The following CCDC171 variants were observed in gnomAD, a reference collection of about 807,000 sequenced individuals.
The protein encoded by CCDC171 is coiled-coil domain-containing protein 171.
In CCDC171, 177 loss-of-function variants were observed where a neutral mutation model predicts 168.2. The observed-to-expected ratio is 1.05, with a 90% CI of 0.93 to 1.19. The LOEUF is 1.19. Among genes scored for constraint, CCDC171 ranks in the 50% most tolerant of loss-of-function variants. CCDC171 has a pLI of 0.00. For synonymous variants in CCDC171, 687 were observed against 540.8 expected (o/e 1.27, Z -3.75); for missense variants, 1,991 against 1,539.0 (o/e 1.29, Z -4.91).
intron 25 of CCDC171, among the ~76,000 whole-genome samples, chr9:15,930,546 C>A (rs992166144): frequency 2.0e-5 from 3 of 151,580 alleles, no homozygotes; most frequent in African/African-American, 7.2e-5. Flanking sequence ...CATAAAATTA[C>A]CATCATAATA....
chr9:15,567,893 A>T (rs2039879824), intron 2 of CCDC171, among the ~76,000 whole-genome samples: 1 of 151,916 alleles, frequency 6.6e-6, no homozygotes, highest in African/African-American at 2.4e-5. Flanking sequence ...GCCTCAAGTG[A>T]TCCTCCTGCC....
chr9:15,591,169 A>G (rs549150663), intron 4 of CCDC171, among the ~76,000 whole-genome samples, 197 bp from the exon 5 acceptor site: 1 of 152,246 alleles, frequency 6.6e-6, no homozygotes, highest in South Asian at 2.1e-4. Flanking sequence ...ATTATAGAAT[A>G]GATTGATTTA....
At chr9:15,571,150 C>G (rs866282085) in intron 2 of CCDC171, among the ~76,000 whole-genome samples, 6 of 152,298 alleles carry the variant, frequency 3.9e-5, no homozygotes, top group Non-Finnish European at 7.4e-5. Flanking sequence ...TTTGTGTTCT[C>G]TCTCTTGTGA....
At chr9:16,080,140 A>G in the CCDC171 span, among the ~76,000 whole-genome samples, 1 of 152,162 alleles carries the variant, frequency 6.6e-6, no homozygotes, top group Non-Finnish European at 1.5e-5. Context: ...TGGCTTCTGG[A>G]GCCTTTACCC....
At chr9:15,753,837 C>T (rs1296002462) in intron 18 of CCDC171, among the ~76,000 whole-genome samples, 4 of 152,046 alleles carry the variant, frequency 2.6e-5, no homozygotes, top group African/African-American at 9.7e-5. Context: ...GTATCACAGT[C>T]ATGAGGAATA....
the CCDC171 span, among the ~76,000 whole-genome samples, chr9:16,077,099 C>T: frequency 3.3e-5 from 5 of 152,098 alleles, no homozygotes; most frequent in South Asian, 4.2e-4. Flanking sequence ...AGGAAATTAT[C>T]GTGTATTAGA....
chr9:15,707,225 C>CAT, intron 11 of CCDC171, among the ~76,000 whole-genome samples: 1 of 152,102 alleles, frequency 6.6e-6, no homozygotes, highest in Admixed American at 6.5e-5. Flanking sequence ...TCATTATACT[C>CAT]ATAGTTTCAG....
chr9:15,755,021 A>G (rs1042698942), intron 18 of CCDC171, among the ~76,000 whole-genome samples: 1 of 152,192 alleles, frequency 6.6e-6, no homozygotes, highest in Admixed American at 6.5e-5. Context: ...TATAAAGATC[A>G]AGGAGAAGTT....
intron 24 of CCDC171, among the ~76,000 whole-genome samples, chr9:15,901,221 G>C (rs1464109045): frequency 6.6e-6 from 1 of 152,134 alleles, no homozygotes; most frequent in Admixed American, 6.6e-5. Flanking sequence ...GCAGAACACA[G>C]GATTTTTAGA....
At chr9:15,757,123 C>T (rs886870999) in intron 18 of CCDC171, among the ~76,000 whole-genome samples, 2 of 152,088 alleles carry the variant, frequency 1.3e-5, no homozygotes, top group East Asian at 1.9e-4. Flanking sequence ...AATGTTTAAG[C>T]GACTTTGGAA....
chr9:15,902,720 G>A (rs1365425338), intron 24 of CCDC171, among the ~76,000 whole-genome samples: 2 of 152,230 alleles, frequency 1.3e-5, no homozygotes, highest in Non-Finnish European at 2.9e-5. Flanking sequence ...AGCATGAGCT[G>A]AAGCAGGGCA....
At position 15,745,161 on chromosome 9, in the gene CCDC171, T is replaced by C. The variant is rs183502951; in HGVS notation, c.2555-354T>C. On this transcript the variant is annotated intron_variant, in intron 17 of 25. Transcript: ENST00000380701. The stretch of plus-strand genomic sequence containing the variant: ...TTCTATGAATAAGTATGAAATGGGT[T>C]AAAAATATATTGAAGAATTGTGTGA... 2.6e-3 allele frequency among the ~76,000 whole-genome samples: 396 copies of C among 152,330 alleles called. 1 individual carries two copies. In the Middle Eastern group the frequency reaches 0.027, roughly 10 times the overall value.
At chr9:15,737,397 GT>G (rs1275947826) in intron 16 of CCDC171, among the ~76,000 whole-genome samples, 2 of 152,160 alleles carry the variant, frequency 1.3e-5, no homozygotes, top group African/African-American at 2.4e-5. Context: ...GATGGTCAAA[GT>G]TTGAGGAGGC....
intron 24 of CCDC171, among the ~76,000 whole-genome samples, chr9:15,889,592 C>T (rs1294862110): frequency 6.6e-6 from 1 of 152,146 alleles, no homozygotes; most frequent in South Asian, 2.1e-4. Context: ...TAGGCTTTAT[C>T]TTGCTTGTGT....
At position 15,925,318 on chromosome 9, in the gene CCDC171, A is replaced by G. The variant is rs142765207; in HGVS notation, c.3753+4896A>G. Among the ~76,000 whole-genome samples, 772 of 151,650 alleles carry G rather than the reference A, an allele frequency of 5.1e-3. 4 individuals are homozygous for G. Among genetic ancestry groups the G allele is most frequent in the Non-Finnish European group, 8.5e-3 (572 of 67,662 alleles). ...TGGATAGGAATTATCCAATGATGCAAAAGAACAGTGATCTAGATCAGGAAA... is the reference window on the plus strand; with the variant it reads ...TGGATAGGAATTATCCAATGATGCAGAAGAACAGTGATCTAGATCAGGAAA... On this transcript the variant is annotated intron_variant, in intron 25 of 25. Transcript: ENST00000380701.
At chr9:15,976,351 G>T (rs545346944), downstream of CCDC171, among the ~76,000 whole-genome samples, 6 of 151,912 alleles carry the variant, frequency 3.9e-5, no homozygotes, top group East Asian at 1.2e-3. Flanking sequence ...ATTCTTTTCG[G>T]TTTCCATTTT....
downstream of CCDC171, among the ~76,000 whole-genome samples, chr9:15,974,499 A>G (rs1564095332): frequency 6.6e-6 from 1 of 152,180 alleles, no homozygotes; most frequent in Non-Finnish European, 1.5e-5. Context: ...TACACTTCCG[A>G]ATGTGGATTT....
At chr9:15,942,764 C>G (rs1308012389) in intron 25 of CCDC171, among the ~76,000 whole-genome samples, 1 of 151,658 alleles carries the variant, frequency 6.6e-6, no homozygotes, top group Non-Finnish European at 1.5e-5. Flanking sequence ...ATTCCATATC[C>G]TTAAGAAGAA....
At chr9:15,696,645 A>G (rs1444873499) in intron 11 of CCDC171, among the ~76,000 whole-genome samples, 1 of 152,186 alleles carries the variant, frequency 6.6e-6, no homozygotes, top group Non-Finnish European at 1.5e-5. Flanking sequence ...TTGTCGCAGT[A>G]TAGCATATGC....
Sources: allele counts gnomAD v4.1 joint callset (sites outside exome capture counted in the v4.1 genomes callset), GRCh38; gene constraint gnomAD v4.1.1; transcripts MANE v1.5; gene names NCBI Gene and HGNC (gene_info 2026-07-23, HGNC 2026-07-21).